FRMD3: variants seen among roughly 807,000 people sequenced by gnomAD.
FRMD3 encodes FERM domain containing 3.
Under a neutral mutation model 70.2 loss-of-function variants are expected in FRMD3, and 33 were observed. The ratio of observed to expected loss-of-function variants is 0.47; its 90% CI spans 0.36 to 0.63. FRMD3 has a LOEUF of 0.63. Ranked by LOEUF, FRMD3 falls within the 20% of genes least tolerant of loss-of-function variation. The pLI is 0.00. For missense variants in FRMD3, 632 were observed against 711.4 expected, an observed-to-expected ratio of 0.89 and a Z score of 1.27; for synonymous variants, 279 against 255.9, an observed-to-expected ratio of 1.09 and a Z score of -0.86.
At chr9:83,383,460 T>C (rs1316139903) in intron 2 of FRMD3, among the ~76,000 whole-genome samples, 1 of 152,234 alleles carries the variant, frequency 6.6e-6, no homozygotes, top group Non-Finnish European at 1.5e-5. Flanking sequence ...ATACTGTTTT[T>C]ATTTCTCCAA....
intron 13 of FRMD3, among the ~76,000 whole-genome samples, chr9:83,271,636 A>G (rs1407329506): frequency 6.6e-6 from 1 of 152,200 alleles, no homozygotes; most frequent in Non-Finnish European, 1.5e-5. Context: ...TCAAATTATG[A>G]TAACTTACAT....
chr9:83,373,498 G>T (rs973649527), intron 2 of FRMD3, among the ~76,000 whole-genome samples: 1 of 152,148 alleles, frequency 6.6e-6, no homozygotes. Flanking sequence ...ATTTTCAGAG[G>T]CCTGAGGTCA....
At chr9:83,447,923 ATAT>A (rs1403035444) in intron 1 of FRMD3, among the ~76,000 whole-genome samples, 1 of 152,182 alleles carries the variant, frequency 6.6e-6, no homozygotes, top group African/African-American at 2.4e-5. Flanking sequence ...ATTAAATGAG[ATAT>A]TATTTATTAA....
intron 1 of FRMD3, among the ~76,000 whole-genome samples, chr9:83,394,216 C>T (rs1414534529): frequency 6.6e-6 from 1 of 152,116 alleles, no homozygotes; most frequent in Non-Finnish European, 1.5e-5. Flanking sequence ...CATCTTCCCT[C>T]AGGGTGGAAA....
At chr9:83,468,309 C>G (rs746624528) in intron 1 of FRMD3, among the ~76,000 whole-genome samples, 8 of 152,236 alleles carry the variant, frequency 5.3e-5, no homozygotes, top group Non-Finnish European at 8.8e-5. Flanking sequence ...TATGTCTTTT[C>G]TAGGTATATC....
chr9:83,470,255 AC>A (rs1828237232), intron 1 of FRMD3, among the ~76,000 whole-genome samples: 1 of 152,110 alleles, frequency 6.6e-6, no homozygotes, highest in Admixed American at 6.5e-5. Context: ...TCTGGACCTC[AC>A]CCCACTGCAC....
chr9:83,499,305 C>T lies in FRMD3; in HGVS notation c.147+38780G>A, dbSNP rs1029289794. ...TTCCAACAGGGCCAGTGCTTTCAAA[C>T]GGAGGAGCTGTGAAGGAGAGGCTGT... On this transcript the variant is annotated intron_variant, in intron 1 of 13. Transcript: ENST00000304195. Among the ~76,000 whole-genome samples, 7 of 152,212 alleles carry T rather than the reference C, an allele frequency of 4.6e-5. No homozygotes were observed. The South Asian group carries it at 6.2e-4, about 14-fold the overall frequency.
intron 1 of FRMD3, among the ~76,000 whole-genome samples, chr9:83,467,010 G>GT (rs1021952128): frequency 1.2e-4 from 18 of 152,118 alleles, no homozygotes; most frequent in African/African-American, 3.1e-4. Context: ...CTGCAAATAA[G>GT]TAACAGACAC....
chr9:83,304,436 C>A (rs1453332095), intron 10 of FRMD3, among the ~76,000 whole-genome samples: 2 of 152,128 alleles, frequency 1.3e-5, no homozygotes, highest in Non-Finnish European at 2.9e-5. Flanking sequence ...CACCCCAGAC[C>A]TTTTGAATTA....
the FRMD3 span, among the ~76,000 whole-genome samples, chr9:83,566,577 C>T: frequency 6.6e-6 from 1 of 152,272 alleles, no homozygotes; most frequent in Admixed American, 6.5e-5. Context: ...CCTGTAAAAT[C>T]AAAAGCAACA....
intron 2 of FRMD3, among the ~76,000 whole-genome samples, chr9:83,378,452 ATATATATAATATACATATAAAATT>A (rs1181379578): frequency 1.1e-5 from 1 of 94,884 alleles, no homozygotes; most frequent in African/African-American, 3.5e-5. Flanking sequence ...TAATTTATAT[ATATATATAATATACATATAAAATT>A]TATATATATA....
intron 1 of FRMD3, among the ~76,000 whole-genome samples, chr9:83,468,494 A>G (rs1015300431): frequency 6.6e-6 from 1 of 152,182 alleles, no homozygotes; most frequent in Non-Finnish European, 1.5e-5. Context: ...AGTGAGGTCA[A>G]TTGAGTCGGA....
chr9:83,273,892 T>G (rs1261054510), intron 13 of FRMD3, among the ~76,000 whole-genome samples: 2 of 152,194 alleles, frequency 1.3e-5, no homozygotes, highest in Non-Finnish European at 2.9e-5. Flanking sequence ...CATAGCTCAC[T>G]GCAGCCTCGA....
intron 10 of FRMD3, among the ~76,000 whole-genome samples, chr9:83,307,295 C>T (rs1835170222): frequency 6.6e-6 from 1 of 152,208 alleles, no homozygotes; most frequent in Non-Finnish European, 1.5e-5. Flanking sequence ...TAGAGTTACC[C>T]TATGACCCAG....
intron 13 of FRMD3, among the ~76,000 whole-genome samples, chr9:83,280,940 G>A (rs1042069315): frequency 7.9e-5 from 12 of 152,108 alleles, no homozygotes; most frequent in Admixed American, 3.3e-4. Flanking sequence ...AGCATTGAGC[G>A]TACACTCCCA....
rs1374122457 is a variant in FRMD3 at position 83,244,765 on chromosome 9, T to TTCAATGAAATAAAC, written c.*3139_*3152dup. On this transcript the variant is annotated 3_prime_UTR_variant, in exon 14 of 14. Transcript: ENST00000304195. ...AACATGGCCCCCATATCTCTAGTAT[T>TTCAATGAAATAAAC]TCAATGAAATAAACTCATTGTGAAT... 1.0e-6 allele frequency: 1 copy of TTCAATGAAATAAAC among 985,234 alleles called. No individual in the cohort carries two copies. The highest frequency in any genetic ancestry group is 1.2e-6 in the Non-Finnish European group (1 of 829,858). The allele number at this position is 985,234 out of a possible 1,614,324, so 61.0% of individuals were successfully genotyped here.
rs1554713917 is a variant in FRMD3 at position 83,507,736 on chromosome 9, A to ATATATATATATCTATCTATC, written c.147+30348_147+30349insGATAGATAGATATATATATA. Among the ~76,000 whole-genome samples, 10 of 88,700 alleles carry ATATATATATATCTATCTATC rather than the reference A, an allele frequency of 1.1e-4. 1 individual carries two copies. Among genetic ancestry groups the ATATATATATATCTATCTATC allele is most frequent in the Non-Finnish European group, 2.1e-4 (9 of 42,244 alleles). 58.2% of individuals were successfully genotyped at this position (88,700 alleles called of 152,430 possible). ...TATATATATATATATATATATATAT[A>ATATATATATATCTATCTATC]TATCTTCTGGAATATTTCCTGAAGG... On this transcript the variant is annotated intron_variant, in intron 1 of 13. Coordinates refer to ENST00000304195, the MANE Select transcript of FRMD3 (RefSeq NM_174938.6).
the FRMD3 span, among the ~76,000 whole-genome samples, chr9:83,577,951 G>C: frequency 5.4e-4 from 82 of 151,816 alleles, no homozygotes; most frequent in African/African-American, 1.9e-3. Flanking sequence ...GAAAAAAAGA[G>C]AGAAGATTAA....
rs72743027 is a variant in FRMD3, at chr9:83,250,010, T to C, written c.1196-1494A>G. ...AACGCTGGAACCCAAGCTGGCCAAT[T>C]AGAGGCAGCTGTGGTCTGCAGCACT... On this transcript the variant is annotated intron_variant, in intron 13 of 13. Coordinates refer to ENST00000304195, the MANE Select transcript of FRMD3 (RefSeq NM_174938.6). Among the ~76,000 whole-genome samples, 1,337 of 152,232 alleles carry C rather than the reference T, an allele frequency of 8.8e-3. 5 individuals carry two copies. Among genetic ancestry groups the C allele is most frequent in the Middle Eastern group, 0.024 (7 of 294 alleles).
Sources: gnomAD v4.1 joint callset for allele counts (sites outside exome capture counted in the v4.1 genomes callset) on GRCh38, gnomAD v4.1.1 for gene constraint, MANE v1.5 for transcripts, NCBI Gene and HGNC (gene_info 2026-07-23, HGNC 2026-07-21) for gene names.